NWD2: variants seen among roughly 807,000 people sequenced by gnomAD.
The protein encoded by NWD2 is NACHT and WD repeat domain-containing protein 2.
In NWD2, 37 loss-of-function variants were observed where a neutral mutation model predicts 132.7. The ratio of observed to expected loss-of-function variants is 0.28; its 90% confidence interval spans 0.21 to 0.37. NWD2 has a LOEUF of 0.37. Among genes scored for constraint, NWD2 ranks in the 10% least tolerant of loss-of-function variants. The pLI is 1.00. For synonymous variants in NWD2, 705 were observed against 803.0 expected (o/e 0.88, Z 2.06); for missense variants, 1,592 against 2,122.4 (o/e 0.75, Z 4.91).
intron 3 of NWD2, among the ~76,000 whole-genome samples, chr4:37,418,829 T>C (rs1240370895): frequency 6.6e-6 from 1 of 152,120 alleles, no homozygotes; most frequent in Admixed American, 6.5e-5. Flanking sequence ...CAGCATCTGT[T>C]GTTTTCTGAC....
At chr4:37,246,040 T>C (rs1717237754) in intron 1 of NWD2, among the ~76,000 whole-genome samples, 1 of 151,846 alleles carries the variant, frequency 6.6e-6, no homozygotes, top group African/African-American at 2.4e-5. Context: ...AATTGGGGAG[T>C]TGGGGAAGGA....
chr4:37,250,159 T>TGCACAC (rs374301414), intron 1 of NWD2, among the ~76,000 whole-genome samples: 1 of 148,998 alleles, frequency 6.7e-6, no homozygotes, highest in African/African-American at 2.5e-5. Context: ...TGTGTGTGTA[T>TGCACAC]ACACACACAC....
intron 3 of NWD2, among the ~76,000 whole-genome samples, chr4:37,403,393 G>A (rs1314633725): frequency 6.6e-6 from 1 of 152,118 alleles, no homozygotes; most frequent in Non-Finnish European, 1.5e-5. Flanking sequence ...GAAGGGTCCA[G>A]AATAATTAAA....
intron 1 of NWD2, among the ~76,000 whole-genome samples, chr4:37,297,171 TCA>T (rs35644994): frequency 0.025 from 3,849 of 152,180 alleles, 164 homozygotes; most frequent in African/African-American, 0.088. Flanking sequence ...CCAGGATCCC[TCA>T]CAGACACCAA....
At chr4:37,303,656 C>T (rs1718651506) in intron 1 of NWD2, among the ~76,000 whole-genome samples, 1 of 152,054 alleles carries the variant, frequency 6.6e-6, no homozygotes, top group Non-Finnish European at 1.5e-5. Context: ...AGATCTTGCA[C>T]ATTTTTGGTT....
At chr4:37,395,743 T>C (rs1252431466) in intron 3 of NWD2, among the ~76,000 whole-genome samples, 1 of 151,620 alleles carries the variant, frequency 6.6e-6, no homozygotes, top group Non-Finnish European at 1.5e-5. Context: ...TATTTCTCCG[T>C]TTTTCAGGTC....
intron 3 of NWD2, among the ~76,000 whole-genome samples, chr4:37,378,292 T>C (rs1404792349): frequency 9.5e-6 from 1 of 104,950 alleles, no homozygotes; most frequent in African/African-American, 3.5e-5. Context: ...GAAATAAATA[T>C]GACAGTCATC....
intron 2 of NWD2, among the ~76,000 whole-genome samples, chr4:37,331,966 T>C (rs572751317): frequency 7.0e-4 from 106 of 152,288 alleles, no homozygotes; most frequent in Middle Eastern, 3.4e-3. Context: ...AATGAGCCAG[T>C]GCCCACTGAG....
intron 1 of NWD2, among the ~76,000 whole-genome samples, chr4:37,292,248 TTA>T (rs1718378649): frequency 6.6e-6 from 1 of 151,994 alleles, no homozygotes; most frequent in Non-Finnish European, 1.5e-5. Flanking sequence ...CTCCCAAAAT[TTA>T]TATGTTGAAA....
intron 3 of NWD2, among the ~76,000 whole-genome samples, chr4:37,417,109 T>TA (rs1333978013): frequency 1.3e-5 from 2 of 152,208 alleles, no homozygotes; most frequent in South Asian, 2.1e-4. Context: ...CCTATCGAAT[T>TA]AAAAAATAAA....
At position 37,323,520 on chromosome 4, in the gene NWD2, TA is replaced by T. The variant is rs1304799689; in HGVS notation, c.152-2415del. ...TTCTCATACCAGTCAGAACGGCTAC[TA>T]CTAAAAAGTCCAAAAACAACAGGCG... On this transcript the variant is annotated intron_variant, in intron 1 of 6. Transcript: ENST00000309447. Among the ~76,000 whole-genome samples the T allele has an allele frequency of 2.0e-5, 3 of 152,094 alleles. No homozygotes were observed. The East Asian group carries it at 5.8e-4, about 29-fold the overall frequency.
Position 37,445,358 on chromosome 4 carries a change from A to G in NWD2, c.3370A>G (p.Ile1124Val). ...FCGQYLNTTT[I>V]FHLGSGEKLC... ...TGGCCAATACCTGAACACAACCACC[A>G]TATTTCATTTAGGGAGTGGAGAAAA... The change falls in exon 7 of 7, where the codon ATA becomes GTA. Residue 1124 changes from isoleucine (I) to valine (V), a missense_variant. Coordinates refer to ENST00000309447, the MANE Select transcript of NWD2 (RefSeq NM_001144990.2). This position sits in a 1 kb window ranked among gnomAD's most constrained non-coding sequence, Gnocchi z 4.7. The G allele has an allele frequency of 6.4e-7, 1 of 1,552,218 alleles. No homozygotes were observed. Among genetic ancestry groups the G allele is most frequent in the Non-Finnish European group, 8.7e-7 (1 of 1,147,106 alleles).
At position 37,445,067 on chromosome 4, in the gene NWD2, G is replaced by A. The variant is rs1299787877; in HGVS notation, c.3079G>A (p.Ala1027Thr). Reference sequence around the variant, plus strand: ...CAGTGATGAAAAGTACCTTGTGGTGGCTACAACAAATAACACCTTGTTGAT... The same window carrying A: ...CAGTGATGAAAAGTACCTTGTGGTGACTACAACAAATAACACCTTGTTGAT... ...LTSDEKYLVV[A>T]TTNNTLLIYD... Residue 1027 changes from alanine (A) to threonine (T), a missense_variant, in exon 7 of 7, where the codon GCT becomes ACT. This residue lies in a region of NWD2 where 1,071 missense variants were observed against 1,398.0 expected (regional missense o/e 0.77). Coordinates refer to ENST00000309447, the MANE Select transcript of NWD2 (RefSeq NM_001144990.2). The surrounding 1 kb of genome is among the most constrained non-coding windows in gnomAD (Gnocchi z 4.7). The A allele has an allele frequency of 3.9e-6, 6 of 1,551,676 alleles. No homozygotes were observed. The highest frequency in any genetic ancestry group is 2.7e-5 in the African/African-American group (2 of 73,042).
At position 37,438,959 on chromosome 4, in the gene NWD2, A is replaced by G. The variant is rs1215214585; in HGVS notation, c.865A>G (p.Ile289Val). 6.4e-7 allele frequency: 1 copy of G among 1,551,976 alleles called. No individual in the cohort carries two copies. ...MDITGTEPRI[I>V]RDPEAQEKLI... ...TATAACTGGAACAGAACCGAGGATT[A>G]TTCGGGACCCAGAAGCCCAAGAGAA... The change falls in exon 6 of 7, where the codon ATT becomes GTT. Residue 289 changes from isoleucine (I) to valine (V), a missense_variant. This residue lies in a region of NWD2 where 1,071 missense variants were observed against 1,398.0 expected (regional missense o/e 0.77). Coordinates refer to ENST00000309447, the MANE Select transcript of NWD2 (RefSeq NM_001144990.2).
chr4:37,339,954 G>GC lies in NWD2; in HGVS notation c.240+13930_240+13931insC, dbSNP rs1236422644. Among the ~76,000 whole-genome samples, 22 of 126,692 alleles carry GC rather than the reference G, an allele frequency of 1.7e-4. No homozygotes were observed. In the East Asian group the frequency reaches 3.3e-3, roughly 19 times the overall value. 83.1% of individuals were successfully genotyped at this position (126,692 alleles called of 152,430 possible). A position where few individuals can be genotyped will look rare whatever the true frequency, so the allele number is the denominator to read the frequency against. On this transcript the variant is annotated intron_variant, in intron 2 of 6. Transcript: ENST00000309447. ...GGTATTTGAATTTCTGTTTCTGGTT[G>GC]TTTTTTTTTTTTTTCACTGAAGATA...
chr4:37,259,891 C>T (rs371440962), intron 1 of NWD2, among the ~76,000 whole-genome samples: 26 of 152,290 alleles, frequency 1.7e-4, no homozygotes, highest in African/African-American at 5.3e-4. Flanking sequence ...ATGAGATTTC[C>T]GTGAAACTAG....
intron 3 of NWD2, among the ~76,000 whole-genome samples, chr4:37,397,429 G>A (rs75724491): frequency 0.017 from 2,522 of 152,240 alleles, 33 homozygotes; most frequent in Middle Eastern, 0.031. Flanking sequence ...TCATGTGGAT[G>A]GGCCTCATCC....
intron 3 of NWD2, among the ~76,000 whole-genome samples, chr4:37,408,182 G>A (rs370901760): frequency 4.6e-5 from 7 of 152,124 alleles, no homozygotes; most frequent in East Asian, 3.9e-4. Context: ...AGACAAAACC[G>A]ATAACCTCCC....
At chr4:37,379,837 C>T in intron 3 of NWD2, among the ~76,000 whole-genome samples, 1 of 152,194 alleles carries the variant, frequency 6.6e-6, no homozygotes. Flanking sequence ...CTATTTCCAT[C>T]CCACCCGCAG....
Sources: gnomAD v4.1 joint callset for allele counts (sites outside exome capture counted in the v4.1 genomes callset) on GRCh38, gnomAD v4.1.1 for gene constraint, gnomAD v4.1.1 regional missense constraint, Gnocchi (gnomAD v3.1) non-coding constraint, MANE v1.5 for transcripts, NCBI Gene and HGNC (gene_info 2026-07-23, HGNC 2026-07-21) for gene names.